The following LRRC3B variants were observed in gnomAD, a reference collection of about 807,000 sequenced individuals.
The protein encoded by LRRC3B is leucine-rich repeat-containing protein 3B.
A neutral mutation model predicts 12.8 loss-of-function variants in LRRC3B; 2 were observed. That is an observed-to-expected ratio of 0.16 (90% CI 0.06 to 0.49). LRRC3B has a LOEUF of 0.49. Among genes scored for constraint, LRRC3B ranks in the 20% least tolerant of loss-of-function variants. The pLI is 0.96. For missense variants in LRRC3B, 189 were observed against 319.4 expected (o/e 0.59, Z 3.11); for synonymous variants, 132 against 122.0 (o/e 1.08, Z -0.54).
At chr3:26,688,751 C>T (rs745389376) in intron 1 of LRRC3B, among the ~76,000 whole-genome samples, 10 of 152,174 alleles carry the variant, frequency 6.6e-5, no homozygotes, top group Non-Finnish European at 1.3e-4. Flanking sequence ...GCCCCACCTC[C>T]AACATTGAGG....
In LRRC3B at chr3:26,655,731, CTG is replaced by C. The variant is rs1159322123; in HGVS notation, c.-161+32498_-161+32499del. On this transcript the variant is annotated intron_variant, in intron 1 of 1. Transcript: ENST00000396641. ...CTATTACCTTCAGCTGCAATTCTAACTGTGTCATGGTGACAGAAATGCTCAGT... is the reference window on the plus strand; with the variant it reads ...CTATTACCTTCAGCTGCAATTCTAACTGTCATGGTGACAGAAATGCTCAGT... 8.5e-5 allele frequency among the ~76,000 whole-genome samples: 13 copies of C among 152,268 alleles called. No individual in the cohort carries two copies. The East Asian group carries it at 2.5e-3, about 29-fold the overall frequency.
At chr3:26,624,821 C>A (rs1698588237) in intron 1 of LRRC3B, 1 of 152,256 alleles carries the variant, frequency 6.6e-6, no homozygotes, top group Admixed American at 6.5e-5. Flanking sequence ...GAGGGGGAGG[C>A]TCTTTTCTCC....
At chr3:26,648,898 A>G (rs770162076) in intron 1 of LRRC3B, among the ~76,000 whole-genome samples, 6 of 152,228 alleles carry the variant, frequency 3.9e-5, no homozygotes, top group Non-Finnish European at 7.3e-5. Context: ...TAAACTCTCA[A>G]AGCTTACATT....
intron 1 of LRRC3B, among the ~76,000 whole-genome samples, chr3:26,643,427 G>A (rs1028791492): frequency 6.6e-6 from 1 of 152,092 alleles, no homozygotes; most frequent in Non-Finnish European, 1.5e-5. Context: ...TAGAGAAATG[G>A]TTATGTCAGC....
chr3:26,658,062 T>G (rs1451476485), intron 1 of LRRC3B, among the ~76,000 whole-genome samples: 1 of 152,154 alleles, frequency 6.6e-6, no homozygotes, highest in African/African-American at 2.4e-5. Context: ...CAGAGTGTCA[T>G]CATTTAAGTC....
chr3:26,691,254 T>TGAAATCAAG (rs1700188966), intron 1 of LRRC3B, among the ~76,000 whole-genome samples: 1 of 151,536 alleles, frequency 6.6e-6, no homozygotes, highest in Non-Finnish European at 1.5e-5. Flanking sequence ...AATCTAAATC[T>TGAAATCAAG]GAAATCAAGG....
At chr3:26,627,630 T>C (rs767780276) in intron 1 of LRRC3B, among the ~76,000 whole-genome samples, 6 of 152,070 alleles carry the variant, frequency 3.9e-5, no homozygotes, top group Non-Finnish European at 8.8e-5. Flanking sequence ...CTCCTCTTCC[T>C]TTTTTTCCTA....
chr3:26,651,042 AT>A (rs1213406099), intron 1 of LRRC3B, among the ~76,000 whole-genome samples: 1 of 152,228 alleles, frequency 6.6e-6, no homozygotes, highest in Non-Finnish European at 1.5e-5. Context: ...GGTATTTAAT[AT>A]TTGGATCCTG....
At chr3:26,674,795 A>C (rs1433674707) in intron 1 of LRRC3B, among the ~76,000 whole-genome samples, 1 of 152,136 alleles carries the variant, frequency 6.6e-6, no homozygotes, top group Non-Finnish European at 1.5e-5. Flanking sequence ...TCCAACCTAC[A>C]ACCTTCTCTC....
At chr3:26,654,626 GA>G (rs1699333368) in intron 1 of LRRC3B, among the ~76,000 whole-genome samples, 1 of 152,202 alleles carries the variant, frequency 6.6e-6, no homozygotes, top group Non-Finnish European at 1.5e-5. Flanking sequence ...ACAGAGATGA[GA>G]AAGTGTGTAG....
intron 1 of LRRC3B, among the ~76,000 whole-genome samples, chr3:26,683,859 C>G (rs1236598679): frequency 6.6e-6 from 1 of 152,172 alleles, no homozygotes. Flanking sequence ...AGGAATAAAT[C>G]TCTGTTCTTA....
chr3:26,647,498 A>T (rs1699177391), intron 1 of LRRC3B, among the ~76,000 whole-genome samples: 1 of 152,184 alleles, frequency 6.6e-6, no homozygotes, highest in Non-Finnish European at 1.5e-5. Flanking sequence ...CAGATAACAC[A>T]AGGCTTCTGA....
chr3:26,668,421 G>A (rs1021262747), intron 1 of LRRC3B, among the ~76,000 whole-genome samples: 4 of 152,174 alleles, frequency 2.6e-5, no homozygotes, highest in African/African-American at 7.2e-5. Flanking sequence ...ACTTCAAGGA[G>A]TGTGATAGGA....
At chr3:26,685,390 A>ATCTT (rs1700054966) in intron 1 of LRRC3B, among the ~76,000 whole-genome samples, 1 of 148,310 alleles carries the variant, frequency 6.7e-6, no homozygotes, top group African/African-American at 2.5e-5. Flanking sequence ...AATGCTACCT[A>ATCTT]TCTTACTAGT....
chr3:26,643,251 TGTGA>T lies in LRRC3B; in HGVS notation c.-161+20018_-161+20021del, dbSNP rs1232656142. On this transcript the variant is annotated intron_variant, in intron 1 of 1. Coordinates refer to ENST00000396641, the Ensembl canonical transcript of LRRC3B. ...ATGTGGTTTTGTATACACACATATG[TGTGA>T]GTGTGTGTGTGTGTGTGTGTGTATA... Among the ~76,000 whole-genome samples the T allele has an allele frequency of 1.5e-3, 169 of 115,758 alleles. 2 individuals are homozygous for T. The South Asian group carries it at 0.019, about 13-fold the overall frequency. 75.9% of individuals were successfully genotyped at this position (115,758 alleles called of 152,430 possible).
intron 1 of LRRC3B, among the ~76,000 whole-genome samples, chr3:26,707,771 C>T (rs1200999015): frequency 1.5e-5 from 1 of 66,382 alleles, no homozygotes; most frequent in Non-Finnish European, 2.6e-5. Context: ...TTCCCTTCCA[C>T]ACCTGTTTTT....
intron 1 of LRRC3B, among the ~76,000 whole-genome samples, chr3:26,672,838 C>T (rs1024532626): frequency 2.0e-5 from 3 of 152,138 alleles, no homozygotes; most frequent in Admixed American, 1.3e-4. Flanking sequence ...TCAGAAACAA[C>T]TCCATAGTAC....
chr3:26,642,901 C>T (rs1333137769), intron 1 of LRRC3B, among the ~76,000 whole-genome samples: 1 of 151,728 alleles, frequency 6.6e-6, no homozygotes, highest in African/African-American at 2.4e-5. Context: ...CCTGTAATCC[C>T]AGCTATTCGG....
intron 1 of LRRC3B, among the ~76,000 whole-genome samples, chr3:26,690,867 G>A (rs1575166072): frequency 6.6e-6 from 1 of 151,834 alleles, no homozygotes; most frequent in Non-Finnish European, 1.5e-5. Context: ...ACAGGAGGCA[G>A]CCTATATGAT....
Sources: gnomAD v4.1 joint callset for allele counts (sites outside exome capture counted in the v4.1 genomes callset) on GRCh38, gnomAD v4.1.1 for gene constraint, MANE v1.5 for transcripts, NCBI Gene and HGNC (gene_info 2026-07-23, HGNC 2026-07-21) for gene names.